SEL1L2: variants seen among roughly 807,000 people sequenced by gnomAD.
SEL1L2 encodes the protein protein sel-1 homolog 2.
A neutral mutation model predicts 98.8 loss-of-function variants in SEL1L2; 89 were observed. That is an observed-to-expected ratio of 0.90 (90% confidence interval 0.76 to 1.07). The LOEUF (loss-of-function observed/expected upper bound fraction) is 1.07. SEL1L2 is among the 50% of genes least tolerant of loss of function. SEL1L2 has a pLI of 0.00. For synonymous variants in SEL1L2, 262 were observed against 278.5 expected, an observed-to-expected ratio of 0.94 and a Z score of 0.59; for missense variants, 788 against 812.0, an observed-to-expected ratio of 0.97 and a Z score of 0.36.
Position 13,884,311 on chromosome 20 carries a change from A to T in SEL1L2, c.957+1036T>A, listed in dbSNP as rs1258326350. ...TGAAAAGAGCAGCAAAATCATCTTT[A>T]AAAAAAAAAATCCAGTTACTTCCCA... On this transcript the variant is annotated intron_variant, in intron 10 of 19. Coordinates refer to ENST00000284951, the MANE Select transcript of SEL1L2 (RefSeq NM_025229.2). 4.8e-5 allele frequency among the ~76,000 whole-genome samples: 6 copies of T among 124,728 alleles called. No individual in the cohort carries two copies. The East Asian group carries it at 9.8e-4, about 20-fold the overall frequency. 81.8% of individuals were successfully genotyped at this position (124,728 alleles called of 152,430 possible). A position where few individuals can be genotyped will look rare whatever the true frequency, so the allele number is the denominator to read the frequency against.
chr20:13,849,427 G>T lies in SEL1L2; in HGVS notation c.*58C>A, dbSNP rs1987837821. 6.3e-7 allele frequency: 1 copy of T among 1,592,532 alleles called. No individual in the cohort carries two copies. Among genetic ancestry groups the T allele is most frequent in the African/African-American group, 1.3e-5 (1 of 74,556 alleles). On this transcript the variant is annotated 3_prime_UTR_variant, in exon 20 of 20. Coordinates refer to ENST00000284951, the MANE Select transcript of SEL1L2 (RefSeq NM_025229.2). ...ATTTGGATGGGAAACTGTTTATTTA[G>T]TGGGGATACCTTGGAGTGAACTGAT... is the stretch of plus-strand genomic sequence containing the variant.
chr20:13,891,729 A>C (rs940365202), intron 5 of SEL1L2, among the ~76,000 whole-genome samples: 18 of 151,946 alleles, frequency 1.2e-4, no homozygotes, highest in African/African-American at 4.3e-4. Context: ...ATTTGGTGAA[A>C]GTGTCCTTCA....
chr20:13,919,224 TCTA>T (rs2048545578), intron 3 of SEL1L2, 101 bp from the exon 4 acceptor site: 6 of 694,408 alleles, frequency 8.6e-6, no homozygotes, highest in Non-Finnish European at 1.2e-5. Flanking sequence ...AGAGTTCTGT[TCTA>T]CTTATTTTTT....
In SEL1L2 at chr20:13,876,050, C is replaced by A. The variant is rs1389370933; in HGVS notation, c.1092G>T (p.Met364Ile). The A allele has an allele frequency of 6.2e-7, 1 of 1,613,590 alleles. No homozygotes were observed. The highest frequency in any genetic ancestry group is 1.7e-5 in the Admixed American group (1 of 60,024). The change falls in exon 12 of 20, where the codon ATG becomes ATT. Residue 364 changes from methionine (M) to isoleucine (I), a missense_variant. Met to Ile is a conservative substitution (Grantham distance 10). Coordinates refer to ENST00000284951, the MANE Select transcript of SEL1L2 (RefSeq NM_025229.2). ...ATTGAGGACATACCTTACTGGCTGC[C>A]ATGGAAAAGTACTTGAAGGCAGTAG... is the stretch of plus-strand genomic sequence containing the variant. Reference protein sequence around the residue: ...NNATAFKYFSMAASKGNAIGL... With the variant: ...NNATAFKYFSIAASKGNAIGL...
chr20:13,917,087 C>T (rs1322063808), intron 4 of SEL1L2, among the ~76,000 whole-genome samples: 5 of 152,066 alleles, frequency 3.3e-5, no homozygotes, highest in Admixed American at 3.3e-4. Flanking sequence ...ATGTAACACA[C>T]CTAGTTGGGC....
intron 5 of SEL1L2, among the ~76,000 whole-genome samples, chr20:13,890,938 G>A (rs2047179153): frequency 6.6e-6 from 1 of 152,016 alleles, no homozygotes; most frequent in Non-Finnish European, 1.5e-5. Context: ...ATGAACATAG[G>A]TCATTTGAAA....
intron 4 of SEL1L2, among the ~76,000 whole-genome samples, chr20:13,918,060 G>A (rs2048487512): frequency 6.6e-6 from 1 of 151,780 alleles, no homozygotes; most frequent in Non-Finnish European, 1.5e-5. Context: ...CGAAGAGCTG[G>A]GATTACAGGT....
At chr20:13,894,474 C>G (rs541529229) in intron 5 of SEL1L2, among the ~76,000 whole-genome samples, 1 of 152,292 alleles carries the variant, frequency 6.6e-6, no homozygotes, top group Non-Finnish European at 1.5e-5. Flanking sequence ...GCAGGAGAAT[C>G]ATTTGAACCC....
intron 1 of SEL1L2, among the ~76,000 whole-genome samples, chr20:13,987,884 C>T (rs1299287976): frequency 6.6e-6 from 1 of 152,186 alleles, no homozygotes; most frequent in Non-Finnish European, 1.5e-5. Context: ...ACTGAATTCT[C>T]ATCAGATATA....
intron 5 of SEL1L2, among the ~76,000 whole-genome samples, chr20:13,894,906 C>A (rs1158421938): frequency 6.6e-6 from 1 of 152,132 alleles, no homozygotes; most frequent in East Asian, 1.9e-4. Flanking sequence ...GAGAATTCTA[C>A]GAAAAATCTA....
intron 9 of SEL1L2, 109 bp from the exon 10 acceptor site, chr20:13,885,512 A>C (rs2046910535): frequency 1.7e-5 from 13 of 750,030 alleles, no homozygotes; most frequent in Non-Finnish European, 2.6e-5. Flanking sequence ...ACACGTTTGA[A>C]ATGTCCTGAA....
At chr20:13,862,537 C>G (rs1208317571) in intron 17 of SEL1L2, among the ~76,000 whole-genome samples, 1 of 152,150 alleles carries the variant, frequency 6.6e-6, no homozygotes, top group Non-Finnish European at 1.5e-5. Flanking sequence ...TGCATAACAT[C>G]CTTTGGAATT....
At chr20:13,958,201 G>A (rs75792123) in intron 1 of SEL1L2, among the ~76,000 whole-genome samples, 2,316 of 152,112 alleles carry the variant, frequency 0.015, 33 homozygotes, top group Middle Eastern at 0.054. Context: ...AAATGAGATC[G>A]TTTATATATT....
intron 3 of SEL1L2, among the ~76,000 whole-genome samples, chr20:13,922,305 G>C (rs1281392505): frequency 1.3e-5 from 2 of 152,198 alleles, no homozygotes; most frequent in Non-Finnish European, 2.9e-5. Context: ...GAGATTGCGA[G>C]TAAACCTGAT....
intron 1 of SEL1L2, among the ~76,000 whole-genome samples, chr20:13,958,086 C>T (rs560459941): frequency 2.6e-5 from 4 of 152,098 alleles, no homozygotes; most frequent in African/African-American, 7.2e-5. Context: ...GAATACTCAA[C>T]GTCAGAGGCA....
At chr20:13,922,843 G>A (rs7263864) in intron 3 of SEL1L2, among the ~76,000 whole-genome samples, 28,153 of 151,904 alleles carry the variant, frequency 0.19, 2,700 homozygotes, top group Non-Finnish European at 0.21. Flanking sequence ...TTAAACTTAC[G>A]TATTAAGATT....
At chr20:13,963,778 CT>C (rs2050895172) in intron 1 of SEL1L2, among the ~76,000 whole-genome samples, 1 of 152,024 alleles carries the variant, frequency 6.6e-6, no homozygotes, top group Admixed American at 6.6e-5. Flanking sequence ...CCATTTTCCC[CT>C]AACTTCACCC....
chr20:13,854,768 T>C (rs1396161034), intron 18 of SEL1L2, among the ~76,000 whole-genome samples: 1 of 151,764 alleles, frequency 6.6e-6, no homozygotes, highest in African/African-American at 2.4e-5. Flanking sequence ...AATCTGGGGG[T>C]TCTAGCCAGG....
intron 2 of SEL1L2, among the ~76,000 whole-genome samples, chr20:13,948,542 G>T (rs1222061403): frequency 6.6e-6 from 1 of 152,164 alleles, no homozygotes; most frequent in African/African-American, 2.4e-5. Context: ...GGGAAAACTG[G>T]ATAGCCATGT....
Sources: allele counts gnomAD v4.1 joint callset (sites outside exome capture counted in the v4.1 genomes callset), GRCh38; gene constraint gnomAD v4.1.1; transcripts MANE v1.5; gene names NCBI Gene and HGNC (gene_info 2026-07-23, HGNC 2026-07-21).